KIDINS220: variants seen among roughly 807,000 people sequenced by gnomAD.
The protein encoded by KIDINS220 is kinase D interacting substrate 220, also known as kinase D-interacting substrate of 220 kDa.
In KIDINS220, 63 loss-of-function variants were observed where a neutral mutation model predicts 157.6. The ratio of observed to expected loss-of-function variants is 0.40; its 90% CI spans 0.33 to 0.49. KIDINS220 has a LOEUF of 0.49. Among genes scored for constraint, KIDINS220 ranks in the 20% least tolerant of loss-of-function variants. The pLI, the probability that KIDINS220 is intolerant of heterozygous loss-of-function variation, is 0.66. For missense variants in KIDINS220, 1,772 were observed against 2,171.2 expected (o/e 0.82, Z 3.65); for synonymous variants, 732 against 783.6 (o/e 0.93, Z 1.10).
intron 18 of KIDINS220, 90 bp from the exon 19 acceptor site, chr2:8,779,229 T>C (rs780535243): frequency 5.5e-6 from 8 of 1,460,218 alleles, no homozygotes; most frequent in Admixed American, 2.0e-5. Context: ...TACCTTTTGG[T>C]GACAATATTT....
intron 22 of KIDINS220, among the ~76,000 whole-genome samples, chr2:8,760,479 G>T (rs1240978998): frequency 2.6e-5 from 4 of 152,142 alleles, no homozygotes; most frequent in African/African-American, 7.2e-5. Context: ...TACTATTGGT[G>T]ATTCACCTAT....
chr2:8,777,148 A>G (rs536190144), intron 20 of KIDINS220, among the ~76,000 whole-genome samples: 1 of 152,316 alleles, frequency 6.6e-6, no homozygotes, highest in South Asian at 2.1e-4. Flanking sequence ...GTACAGTTAG[A>G]GGAAGCTCAA....
At chr2:8,728,495 C>T (rs76003231), downstream of KIDINS220, among the ~76,000 whole-genome samples, 5,845 of 152,244 alleles carry the variant, frequency 0.038, 228 homozygotes, top group East Asian at 0.17. Flanking sequence ...TAAACAGATA[C>T]ACACACACAT....
At position 8,788,757 on chromosome 2, in the gene KIDINS220, G is replaced by C; in HGVS notation, c.1677C>G (p.Val559=). ...REGESWNWAW[V]LSTRLARHIG... ...TATGTCTTGCCAATCTAGTGCTGAG[G>C]ACCCAGGCCCAATTCCAACTCTCTC... Residue 559 remains valine (V), a synonymous_variant, in exon 15 of 30, where the codon GTC becomes GTG. Coordinates refer to ENST00000256707, the MANE Select transcript of KIDINS220 (RefSeq NM_020738.4). 6.2e-7 allele frequency: 1 copy of C among 1,614,028 alleles called. No homozygotes were observed. Among genetic ancestry groups the C allele is most frequent in the East Asian group, 2.2e-5 (1 of 44,882 alleles).
intron 22 of KIDINS220, among the ~76,000 whole-genome samples, chr2:8,769,543 C>T (rs972068992): frequency 2.0e-5 from 3 of 152,076 alleles, no homozygotes; most frequent in African/African-American, 4.8e-5. Flanking sequence ...TTAAATAGGG[C>T]TTTATGTATA....
At chr2:8,760,140 T>C (rs1163062321) in intron 22 of KIDINS220, among the ~76,000 whole-genome samples, 1 of 152,216 alleles carries the variant, frequency 6.6e-6, no homozygotes, top group Non-Finnish European at 1.5e-5. Context: ...CTGTTACATA[T>C]TACATTTTAA....
At chr2:8,771,803 A>G (rs567700556) in intron 21 of KIDINS220, among the ~76,000 whole-genome samples, 1 of 152,224 alleles carries the variant, frequency 6.6e-6, no homozygotes, top group African/African-American at 2.4e-5. Flanking sequence ...CAGAAATTAT[A>G]TTTTCATGGC....
intron 1 of KIDINS220, among the ~76,000 whole-genome samples, chr2:8,831,172 C>A (rs573570489): frequency 6.6e-6 from 1 of 152,190 alleles, no homozygotes; most frequent in Admixed American, 6.5e-5. Context: ...TGCAAATACA[C>A]AATTCCTACG....
intron 26 of KIDINS220, 60 bp from the exon 27 acceptor site, chr2:8,737,059 G>A: frequency 6.5e-7 from 1 of 1,528,008 alleles, no homozygotes; most frequent in Non-Finnish European, 8.9e-7. Context: ...CTATAATGAG[G>A]TCATGTGACA....
downstream of KIDINS220, among the ~76,000 whole-genome samples, chr2:8,726,541 A>C (rs780257080): frequency 1.1e-4 from 17 of 152,248 alleles, no homozygotes; most frequent in Non-Finnish European, 2.4e-4. Context: ...ACAGCCATGC[A>C]TCAGTTGACG....
chr2:8,756,685 C>CAG (rs1050797758), intron 22 of KIDINS220, among the ~76,000 whole-genome samples: 3 of 151,346 alleles, frequency 2.0e-5, no homozygotes, highest in Non-Finnish European at 4.4e-5. Context: ...AAGGACACTA[C>CAG]AGAGAGAGAG....
intron 26 of KIDINS220, among the ~76,000 whole-genome samples, chr2:8,742,981 T>A (rs1665834377): frequency 1.3e-5 from 2 of 152,096 alleles, no homozygotes. Flanking sequence ...ACTACAGAGC[T>A]TCGAGAGCAA....
At chr2:8,821,491 G>C (rs1036807389) in intron 2 of KIDINS220, among the ~76,000 whole-genome samples, 3 of 152,202 alleles carry the variant, frequency 2.0e-5, no homozygotes, top group Non-Finnish European at 4.4e-5. Context: ...CTGAGACACA[G>C]TGCTGGAGCT....
At position 8,837,304 on chromosome 2, in the gene KIDINS220, T is replaced by G. The variant is rs528671036; in HGVS notation, c.-37+176A>C. ...CGCCCCGAAAGCCGGGGCCCGAGCGTCCGGGGCCCGCGCCATGCCCTCCCC... is the reference window on the plus strand; with the variant it reads ...CGCCCCGAAAGCCGGGGCCCGAGCGGCCGGGGCCCGCGCCATGCCCTCCCC... On this transcript the variant is annotated intron_variant, in intron 1 of 29. Transcript: ENST00000256707. 9.9e-5 allele frequency among the ~76,000 whole-genome samples: 15 copies of G among 151,890 alleles called. No homozygotes were observed. The South Asian group carries it at 2.5e-3, about 25-fold the overall frequency.
At chr2:8,767,596 T>C (rs1669643886) in intron 22 of KIDINS220, among the ~76,000 whole-genome samples, 1 of 151,982 alleles carries the variant, frequency 6.6e-6, no homozygotes, top group African/African-American at 2.4e-5. Context: ...CCAGGCCAAA[T>C]GATGGCGGGG....
At chr2:8,764,586 C>T (rs1459273741) in intron 22 of KIDINS220, among the ~76,000 whole-genome samples, 1 of 152,208 alleles carries the variant, frequency 6.6e-6, no homozygotes, top group Non-Finnish European at 1.5e-5. Flanking sequence ...ATACAGTCAT[C>T]ATTCAGTCAA....
chr2:8,734,864 C>T, intron 27 of KIDINS220, 111 bp from the exon 28 acceptor site: 1 of 703,806 alleles, frequency 1.4e-6, no homozygotes, highest in Non-Finnish European at 2.2e-6. Flanking sequence ...TCTCTAGAGA[C>T]CAGAAAGGCT....
At chr2:8,736,501 A>T (rs1262218870) in intron 27 of KIDINS220, among the ~76,000 whole-genome samples, 1 of 152,274 alleles carries the variant, frequency 6.6e-6, no homozygotes, top group African/African-American at 2.4e-5. Context: ...AACAAATATT[A>T]CAATTAGAAA....
intron 2 of KIDINS220, among the ~76,000 whole-genome samples, chr2:8,823,975 C>CAA (rs145079836): frequency 7.0e-6 from 1 of 143,740 alleles, no homozygotes; most frequent in Non-Finnish European, 1.5e-5. Context: ...TCTGAAGACT[C>CAA]AAAAAAAAAA....
Sources: gnomAD v4.1 joint callset for allele counts (sites outside exome capture counted in the v4.1 genomes callset) on GRCh38, gnomAD v4.1.1 for gene constraint, MANE v1.5 for transcripts, NCBI Gene and HGNC (gene_info 2026-07-23, HGNC 2026-07-21) for gene names.